The following EXOC6B variants were observed in gnomAD, a reference collection of about 807,000 sequenced individuals.
EXOC6B encodes SEC15 homolog B.
Under a neutral mutation model 113.5 loss-of-function variants are expected in EXOC6B, and 54 were observed. That is an observed-to-expected ratio of 0.48 (90% confidence interval 0.38 to 0.60). The LOEUF (loss-of-function observed/expected upper bound fraction) is 0.60. Among genes scored for constraint, EXOC6B ranks in the 20% least tolerant of loss-of-function variants. EXOC6B has a pLI of 0.00. For synonymous variants in EXOC6B, 357 were observed against 339.0 expected (o/e 1.05, Z -0.58); for missense variants, 797 against 977.5 (o/e 0.82, Z 2.46).
intron 20 of EXOC6B, among the ~76,000 whole-genome samples, chr2:72,250,834 T>G: frequency 6.6e-6 from 1 of 151,952 alleles, no homozygotes; most frequent in Non-Finnish European, 1.5e-5. Flanking sequence ...ACTTGCTTAC[T>G]TGGGTTTTTG....
chr2:72,745,097 A>G (rs1681608785), intron 1 of EXOC6B, among the ~76,000 whole-genome samples: 1 of 152,192 alleles, frequency 6.6e-6, no homozygotes, highest in Admixed American at 6.6e-5. Flanking sequence ...TCCACTTTCA[A>G]GTTTAGTCAA....
Position 72,184,128 on chromosome 2 carries a change from G to A in EXOC6B, c.2256C>T (p.Pro752=). ...GGTTTACCCGGAGGTACTTGCAGTT[G>A]GGCTGACCATAGTCAGCAAGGTAGG... The part of the protein sequence containing the change: ...WSTYLADYGQ[P]NCKYLRVNPV... The change falls in exon 21 of 22, where the codon CCC becomes CCT. Residue 752 remains proline, a synonymous_variant. Transcript: ENST00000272427. 1 of 1,565,930 alleles carries A rather than the reference G, an allele frequency of 6.4e-7. No individual in the cohort carries two copies. The highest frequency in any genetic ancestry group is 1.7e-4 in the Middle Eastern group (1 of 6,004).
chr2:72,525,881 TTAAC>T (rs1180865120), intron 8 of EXOC6B, among the ~76,000 whole-genome samples: 6 of 152,144 alleles, frequency 3.9e-5, no homozygotes, highest in Non-Finnish European at 8.8e-5. Flanking sequence ...CCAAAAATTC[TTAAC>T]TGAGTGTCTG....
chr2:72,742,285 T>A (rs1203158634), intron 1 of EXOC6B, among the ~76,000 whole-genome samples: 3 of 152,178 alleles, frequency 2.0e-5, no homozygotes, highest in Non-Finnish European at 4.4e-5. Context: ...CTTTACTAGA[T>A]GATTCTCATG....
chr2:72,413,180 C>T (rs1450397153), intron 18 of EXOC6B, among the ~76,000 whole-genome samples: 1 of 151,354 alleles, frequency 6.6e-6, no homozygotes, highest in Non-Finnish European at 1.5e-5. Context: ...CCAGGATGGT[C>T]TTGATCTCCT....
At chr2:72,401,636 T>TATAC (rs1693305322) in intron 18 of EXOC6B, among the ~76,000 whole-genome samples, 1 of 47,034 alleles carries the variant, frequency 2.1e-5, no homozygotes, top group East Asian at 4.2e-4. Flanking sequence ...TATATATATA[T>TATAC]ACATATATAC....
chr2:72,599,008 C>CA (rs1019365941), intron 6 of EXOC6B, among the ~76,000 whole-genome samples: 2 of 151,874 alleles, frequency 1.3e-5, no homozygotes, highest in African/African-American at 4.8e-5. Context: ...CAATCTCTTC[C>CA]AAAAAATAGA....
intron 6 of EXOC6B, among the ~76,000 whole-genome samples, chr2:72,643,642 T>C (rs1328306321): frequency 2.1e-4 from 29 of 135,868 alleles, no homozygotes; most frequent in Admixed American, 9.5e-4. Context: ...AGGGATAGCA[T>C]TGGGAGATAT....
chr2:72,435,108 T>C (rs1573111851), intron 18 of EXOC6B, among the ~76,000 whole-genome samples: 1 of 152,356 alleles, frequency 6.6e-6, no homozygotes, highest in Non-Finnish European at 1.5e-5. Flanking sequence ...ACGTTGTGTC[T>C]TTGTTCTCAT....
intron 1 of EXOC6B, among the ~76,000 whole-genome samples, chr2:72,743,654 A>G (rs940994086): frequency 9.9e-5 from 15 of 152,214 alleles, no homozygotes; most frequent in East Asian, 3.8e-4. Context: ...CTGTACCTCT[A>G]TAACAGTGCC....
rs1442967178 is a variant in EXOC6B, at chr2:72,449,460, C to T, written c.1980+15700G>A. Among the ~76,000 whole-genome samples the T allele has an allele frequency of 4.0e-5, 6 of 150,874 alleles. No individual in the cohort carries two copies. In the South Asian group the frequency reaches 6.3e-4, roughly 16 times the overall value. Reference sequence around the variant, plus strand: ...TGCTGGAATTACAAGCGTGAGCCACCGCGCCTGGCCAGCATTGTCAATTTT... The same window carrying T: ...TGCTGGAATTACAAGCGTGAGCCACTGCGCCTGGCCAGCATTGTCAATTTT... On this transcript the variant is annotated intron_variant, in intron 18 of 21. Transcript: ENST00000272427.
intron 6 of EXOC6B, among the ~76,000 whole-genome samples, chr2:72,620,955 A>G (rs570110371): frequency 1.3e-5 from 2 of 152,336 alleles, no homozygotes; most frequent in Non-Finnish European, 1.5e-5. Flanking sequence ...ACAATGAGAT[A>G]CCATCTTATA....
At chr2:72,598,695 T>G (rs535932239) in intron 6 of EXOC6B, among the ~76,000 whole-genome samples, 1 of 151,976 alleles carries the variant, frequency 6.6e-6, no homozygotes, top group African/African-American at 2.4e-5. Flanking sequence ...ATATTACAAA[T>G]AGCACAAACA....
intron 18 of EXOC6B, among the ~76,000 whole-genome samples, chr2:72,400,792 C>G (rs1693090879): frequency 6.6e-6 from 1 of 151,432 alleles, no homozygotes; most frequent in Admixed American, 6.6e-5. Context: ...AAAAAAACAA[C>G]AGATACTGGT....
chr2:72,571,480 G>GT (rs1704507557), intron 7 of EXOC6B, among the ~76,000 whole-genome samples: 1 of 151,832 alleles, frequency 6.6e-6, no homozygotes, highest in East Asian at 1.9e-4. Context: ...TATATGATTA[G>GT]TTTTTTTAAA....
chr2:72,671,777 AAGAAAGAAAGAAAGAAAG>A (rs1322635477), intron 6 of EXOC6B, among the ~76,000 whole-genome samples: 12 of 118,122 alleles, frequency 1.0e-4, no homozygotes, highest in African/African-American at 4.8e-4. Flanking sequence ...GAAAGAAAGA[AAGAAAGAAAGAAAGAAAG>A]AAAGAAAGAA....
At chr2:72,476,202 T>A (rs1201648723) in intron 17 of EXOC6B, among the ~76,000 whole-genome samples, 1 of 152,198 alleles carries the variant, frequency 6.6e-6, no homozygotes, top group Non-Finnish European at 1.5e-5. Context: ...GACTCCATAG[T>A]GGAAATGGAA....
chr2:72,793,611 T>C (rs1035132962), intron 1 of EXOC6B, among the ~76,000 whole-genome samples: 1 of 152,076 alleles, frequency 6.6e-6, no homozygotes, highest in African/African-American at 2.4e-5. Flanking sequence ...AGAGATGACA[T>C]TTGAACGAGG....
In EXOC6B at chr2:72,269,995, G is replaced by GTGAAGAGC. The variant is rs1684386753; in HGVS notation, c.2196+64951_2196+64952insGCTCTTCA. Reference sequence around the variant, plus strand: ...ATAGGGGATGTGAAGAGGTGAAGAGGTTCAGGATGTGAGGTGGTAAACAGG... The same window carrying GTGAAGAGC: ...ATAGGGGATGTGAAGAGGTGAAGAGGTGAAGAGCTTCAGGATGTGAGGTGGTAAACAGG... On this transcript the variant is annotated intron_variant, in intron 20 of 21. Transcript: ENST00000272427. Among the ~76,000 whole-genome samples the GTGAAGAGC allele has an allele frequency of 2.0e-5, 3 of 152,210 alleles. No individual in the cohort carries two copies. In the South Asian group the frequency reaches 6.2e-4, roughly 32 times the overall value.
Sources: gnomAD v4.1 joint callset for allele counts (sites outside exome capture counted in the v4.1 genomes callset) on GRCh38, gnomAD v4.1.1 for gene constraint, MANE v1.5 for transcripts, NCBI Gene and HGNC (gene_info 2026-07-23, HGNC 2026-07-21) for gene names.